Variants in UGT1A9 observed in about 807,000 individuals in gnomAD.
The protein encoded by UGT1A9 is UDP-glucuronosyltransferase 1A9.
In UGT1A9, 35 loss-of-function variants were observed where a neutral mutation model predicts 45.0. That is an observed-to-expected ratio of 0.78 (90% confidence interval 0.59 to 1.03). UGT1A9 has a LOEUF of 1.03. UGT1A9 is among the 50% of genes least tolerant of loss of function. The pLI, the probability that UGT1A9 is intolerant of heterozygous loss-of-function variation, is 0.00. For missense variants in UGT1A9, 687 were observed against 666.6 expected (o/e 1.03, Z -0.34); for synonymous variants, 278 against 250.6 (o/e 1.11, Z -1.03).
At position 233,749,745 on chromosome 2, in the gene UGT1A9, G is replaced by T. The variant is rs1364813109; in HGVS notation, c.856-17289G>T. On this transcript the variant is annotated intron_variant, in intron 1 of 4. Coordinates refer to ENST00000354728, the MANE Select transcript of UGT1A9 (RefSeq NM_021027.3). ...TTTCGCACCTGCTGGTCTCATCATA[G>T]TGAGTGAGTTCTTATGAGATCTGAT... Among the ~76,000 whole-genome samples the T allele has an allele frequency of 4.6e-5, 7 of 151,902 alleles. 2 individuals carry two copies. The highest frequency in any genetic ancestry group is 1.0e-4 in the Non-Finnish European group (7 of 68,034).
intron 1 of UGT1A9, among the ~76,000 whole-genome samples, chr2:233,749,052 C>A (rs1694096242): frequency 6.6e-6 from 1 of 151,690 alleles, no homozygotes; most frequent in Admixed American, 6.6e-5. Flanking sequence ...TACTCTGGGA[C>A]CTGAATATTG....
At chr2:233,762,186 C>A (rs1400291325) in intron 1 of UGT1A9, among the ~76,000 whole-genome samples, 1 of 152,134 alleles carries the variant, frequency 6.6e-6, no homozygotes, top group African/African-American at 2.4e-5. Context: ...TCAACACCTG[C>A]CAATGGGTCT....
chr2:233,719,487 A>G lies in UGT1A9; in HGVS notation c.855+46698A>G, dbSNP rs138822211. ...GCTCTACCCTCTGGCCCTGTCCTAC[A>G]TTTGCCATACTTTTTCTGCCCCTTA... On this transcript the variant is annotated intron_variant, in intron 1 of 4. Transcript: ENST00000354728. 1.2e-5 allele frequency: 20 copies of G among 1,613,508 alleles called. No individual in the cohort carries two copies. In the African/African-American group the frequency reaches 2.7e-4, roughly 22 times the overall value.
In UGT1A9 at chr2:233,672,719, C is replaced by T; in HGVS notation, c.785C>T (p.Pro262Leu). 1 of 1,613,880 alleles carries T rather than the reference C, an allele frequency of 6.2e-7. No homozygotes were observed. The highest frequency in any genetic ancestry group is 8.5e-7 in the Non-Finnish European group (1 of 1,179,840). The change falls in exon 1 of 5, where the codon CCC becomes CTC. Residue 262 changes from proline (P) to leucine (L), a missense_variant. Physicochemically the swap from Pro to Leu is moderately conservative, Grantham distance 98. Transcript: ENST00000354728. Reference protein sequence around the residue: ...LLRTDFVLDYPKPVMPNMIFI... With the variant: ...LLRTDFVLDYLKPVMPNMIFI... The stretch of plus-strand genomic sequence containing the variant: ...CGAACGGACTTTGTTTTGGACTATC[C>T]CAAACCCGTGATGCCCAACATGATC...
chr2:233,712,538 G>A (rs752556206), intron 1 of UGT1A9, among the ~76,000 whole-genome samples: 4 of 152,164 alleles, frequency 2.6e-5, no homozygotes, highest in Non-Finnish European at 5.9e-5. Flanking sequence ...ACCCATATGT[G>A]GGAAGAAAGA....
intron 1 of UGT1A9, among the ~76,000 whole-genome samples, chr2:233,704,320 T>G (rs907259559): frequency 1.3e-5 from 2 of 151,752 alleles, no homozygotes; most frequent in African/African-American, 2.4e-5. Context: ...CTTTAATGTT[T>G]TTCTTTCCAC....
chr2:233,674,514 C>G (rs1159534738), intron 1 of UGT1A9, among the ~76,000 whole-genome samples: 1 of 152,100 alleles, frequency 6.6e-6, no homozygotes, highest in African/African-American at 2.4e-5. Context: ...TTTATTGTGC[C>G]TCACAGCGTC....
rs17868329 is a variant in UGT1A9, at chr2:233,698,474, A to G, written c.855+25685A>G. ...CATAGAAAATGAAGCCCTGATTTAT[A>G]GCTTAAAAATGCAGTCCTCATTAGG... On this transcript the variant is annotated intron_variant, in intron 1 of 4. Coordinates refer to ENST00000354728, the MANE Select transcript of UGT1A9 (RefSeq NM_021027.3). 6.7e-3 allele frequency among the ~76,000 whole-genome samples: 1,014 copies of G among 152,374 alleles called. 5 individuals are homozygous for G. The highest frequency in any genetic ancestry group is 0.012 in the Non-Finnish European group (789 of 68,030).
chr2:233,760,683 C>G, intron 1 of UGT1A9: 1 of 1,614,204 alleles, frequency 6.2e-7, no homozygotes, highest in Non-Finnish European at 8.5e-7. Context: ...ACTTACTGCA[C>G]AACAAGGAGC....
chr2:233,737,953 A>T (rs1429614905), intron 1 of UGT1A9, among the ~76,000 whole-genome samples: 2 of 152,112 alleles, frequency 1.3e-5, no homozygotes, highest in Non-Finnish European at 2.9e-5. Context: ...GTTTCCCAAC[A>T]TGAGGTCACA....
chr2:233,762,546 T>C (rs1698100771), intron 1 of UGT1A9, among the ~76,000 whole-genome samples: 1 of 152,252 alleles, frequency 6.6e-6, no homozygotes. Context: ...CCACAGTGTA[T>C]TCTGCTGGAG....
chr2:233,676,520 A>T (rs757649289), intron 1 of UGT1A9, among the ~76,000 whole-genome samples: 1 of 152,168 alleles, frequency 6.6e-6, no homozygotes, highest in Non-Finnish European at 1.5e-5. Context: ...TTTCCTTCAG[A>T]TTTCATTAAT....
chr2:233,715,620 A>G (rs1253774011), intron 1 of UGT1A9, among the ~76,000 whole-genome samples: 1 of 151,982 alleles, frequency 6.6e-6, no homozygotes, highest in Non-Finnish European at 1.5e-5. Flanking sequence ...AAAAATTAAA[A>G]AATTATCCAG....
At position 233,672,596 on chromosome 2, in the gene UGT1A9, A is replaced by C. The variant is rs774560649; in HGVS notation, c.662A>C (p.His221Pro). The stretch of plus-strand genomic sequence containing the variant: ...CACTTGGAGGAACATTTATTATGCC[A>C]CCGTTTTTTCAAAAATGCCCTAGAA... ...IMHLEEHLLCHRFFKNALEIA... is the reference protein window; with the variant it reads ...IMHLEEHLLCPRFFKNALEIA... Residue 221 changes from histidine (H) to proline (P), a missense_variant, in exon 1 of 5, where the codon CAC becomes CCC. By Grantham distance (77) the His-to-Pro change is moderately conservative. Coordinates refer to ENST00000354728, the MANE Select transcript of UGT1A9 (RefSeq NM_021027.3). 11 of 1,613,858 alleles carry C rather than the reference A, an allele frequency of 6.8e-6. No individual in the cohort carries two copies. In the South Asian group the frequency reaches 1.2e-4, roughly 18 times the overall value.
Position 233,692,995 on chromosome 2 carries a change from T to G in UGT1A9, c.855+20206T>G, listed in dbSNP as rs1456334017. 5.0e-6 allele frequency: 8 copies of G among 1,613,894 alleles called. No homozygotes were observed. In the African/African-American group the frequency reaches 9.3e-5, roughly 19 times the overall value. On this transcript the variant is annotated intron_variant, in intron 1 of 4. Transcript: ENST00000354728. ...TCTTTATTACCGTTGTTACTTTAACTCTTTCCAGGATGGCCTGCCTCCTTC... is the reference window on the plus strand; with the variant it reads ...TCTTTATTACCGTTGTTACTTTAACGCTTTCCAGGATGGCCTGCCTCCTTC...
chr2:233,700,705 T>C (rs955776859), intron 1 of UGT1A9, among the ~76,000 whole-genome samples: 13 of 150,812 alleles, frequency 8.6e-5, no homozygotes, highest in Non-Finnish European at 1.6e-4. Flanking sequence ...ACTTTGAATG[T>C]TTTTTTCTTT....
chr2:233,723,875 G>A (rs1353661197), intron 1 of UGT1A9, among the ~76,000 whole-genome samples: 1 of 40,312 alleles, frequency 2.5e-5, no homozygotes, highest in Non-Finnish European at 4.2e-5. Context: ...AGGATCCCAA[G>A]GCAGAGGAAT....
intron 1 of UGT1A9, chr2:233,692,999 T>C (rs745858663): frequency 6.2e-7 from 1 of 1,614,050 alleles, no homozygotes; most frequent in South Asian, 1.1e-5. Flanking sequence ...TTTAACTCTT[T>C]CCAGGATGGC....
At chr2:233,709,424 T>C (rs1189444828) in intron 1 of UGT1A9, among the ~76,000 whole-genome samples, 1 of 152,212 alleles carries the variant, frequency 6.6e-6, no homozygotes. Flanking sequence ...AAGAATGTCC[T>C]CCAGAAAGGA....
Sources: gnomAD v4.1 joint callset for allele counts (sites outside exome capture counted in the v4.1 genomes callset) on GRCh38, gnomAD v4.1.1 for gene constraint, MANE v1.5 for transcripts, NCBI Gene and HGNC (gene_info 2026-07-23, HGNC 2026-07-21) for gene names.